KIAA1549L: variants seen among roughly 807,000 people sequenced by gnomAD.
KIAA1549L encodes UPF0606 protein KIAA1549L.
KIAA1549L carries 88 observed loss-of-function variants against 160.7 expected under a neutral mutation model. That is an observed-to-expected ratio of 0.55 (90% CI 0.46 to 0.65). KIAA1549L has a LOEUF of 0.65. KIAA1549L is among the 30% of genes least tolerant of loss of function. KIAA1549L has a pLI of 0.00. For missense variants in KIAA1549L, 2,258 were observed against 2,437.5 expected (o/e 0.93, Z 1.55); for synonymous variants, 950 against 976.7 (o/e 0.97, Z 0.51).
chr11:33,539,848 G>A (rs1309039815), intron 1 of KIAA1549L, among the ~76,000 whole-genome samples: 2 of 152,212 alleles, frequency 1.3e-5, no homozygotes, highest in Non-Finnish European at 2.9e-5. Context: ...AAGTGGGAGA[G>A]CCGGAAAGAT....
Position 33,430,473 on chromosome 11 carries a change from C to A in KIAA1549L, c.238+53584C>A, listed in dbSNP as rs1471864791. On this transcript the variant is annotated intron_variant, in intron 1 of 20. Coordinates refer to ENST00000658780, the MANE Select transcript of KIAA1549L (RefSeq NM_012194.3). ...AGGCCTGAACTTGCCCTGAGGCTAT[C>A]CTTTGATAACTCATTAGGTAAGATC... Among the ~76,000 whole-genome samples, 8 of 152,244 alleles carry A rather than the reference C, an allele frequency of 5.3e-5. No homozygotes were observed. The East Asian group carries it at 1.5e-3, about 29-fold the overall frequency.
chr11:33,564,772 T>A (rs12576953), intron 8 of KIAA1549L, among the ~76,000 whole-genome samples: 15,519 of 152,238 alleles, frequency 0.1, 1,085 homozygotes, highest in East Asian at 0.32. Flanking sequence ...CATGTGGACT[T>A]CACATTCTCC....
intron 1 of KIAA1549L, among the ~76,000 whole-genome samples, chr11:33,476,216 G>C (rs1165427242): frequency 6.6e-6 from 1 of 152,148 alleles, no homozygotes; most frequent in East Asian, 1.9e-4. Context: ...CTGTAATCAG[G>C]GACTTGGCTA....
At position 33,542,579 on chromosome 11, in the gene KIAA1549L, C is replaced by T. The variant is rs1565175545; in HGVS notation, c.1016C>T (p.Ser339Leu). The T allele has an allele frequency of 6.2e-7, 1 of 1,613,966 alleles. No individual in the cohort carries two copies. Among genetic ancestry groups the T allele is most frequent in the Middle Eastern group, 1.6e-4 (1 of 6,062 alleles). The stretch of plus-strand genomic sequence containing the variant: ...ACAGAGGGTCCCCATTCAGCAGGTT[C>T]ATCCACACCTGGGTTTTTGAGCCCC... ...SPTEGPHSAG[S>L]STPGFLSPMA... Residue 339 changes from serine to leucine, a missense_variant, in exon 2 of 21, where the codon TCA becomes TTA. This residue lies in a region of KIAA1549L where 540 missense variants were observed against 465.7 expected (regional missense o/e 1.16). Coordinates refer to ENST00000658780, the MANE Select transcript of KIAA1549L (RefSeq NM_012194.3).
chr11:33,480,525 G>T (rs913354708), intron 1 of KIAA1549L, among the ~76,000 whole-genome samples: 10 of 152,120 alleles, frequency 6.6e-5, no homozygotes, highest in Admixed American at 2.0e-4. Flanking sequence ...TTTCTCTTTG[G>T]TGTATACTTT....
intron 1 of KIAA1549L, among the ~76,000 whole-genome samples, chr11:33,391,507 T>C (rs1850272592): frequency 6.6e-6 from 1 of 152,194 alleles, no homozygotes; most frequent in Non-Finnish European, 1.5e-5. Flanking sequence ...GCCAAGACAG[T>C]CATGTGACTG....
intron 5 of KIAA1549L, among the ~76,000 whole-genome samples, chr11:33,551,729 TA>T (rs1159491259): frequency 6.6e-6 from 1 of 152,194 alleles, no homozygotes; most frequent in African/African-American, 2.4e-5. Flanking sequence ...GAGGAACTCT[TA>T]AAATCGAAAC....
intron 18 of KIAA1549L, among the ~76,000 whole-genome samples, chr11:33,657,444 G>A (rs1852104180): frequency 6.6e-6 from 1 of 152,152 alleles, no homozygotes; most frequent in Admixed American, 6.6e-5. Flanking sequence ...GACCAGGAAG[G>A]AACCTTTGAG....
At chr11:33,478,951 C>T (rs1253538048) in intron 1 of KIAA1549L, among the ~76,000 whole-genome samples, 1 of 152,158 alleles carries the variant, frequency 6.6e-6, no homozygotes, top group Non-Finnish European at 1.5e-5. Context: ...TTATTATCCT[C>T]ATTTTCACAA....
intron 5 of KIAA1549L, among the ~76,000 whole-genome samples, chr11:33,551,522 AC>A (rs1420971022): frequency 6.6e-6 from 1 of 152,072 alleles, no homozygotes; most frequent in Non-Finnish European, 1.5e-5. Context: ...AGCTCCAGGT[AC>A]TATATTTTAT....
chr11:33,580,289 C>G (rs951738231), intron 10 of KIAA1549L, among the ~76,000 whole-genome samples: 2 of 152,130 alleles, frequency 1.3e-5, no homozygotes, highest in Non-Finnish European at 2.9e-5. Context: ...AAAGATGCCA[C>G]TTGGCTGGGC....
intron 1 of KIAA1549L, among the ~76,000 whole-genome samples, chr11:33,392,772 A>C (rs887384211): frequency 1.3e-5 from 2 of 152,174 alleles, no homozygotes; most frequent in African/African-American, 4.8e-5. Context: ...GTGAGTATCT[A>C]TCCTGCGTGT....
At chr11:33,548,193 G>C (rs1854329850) in intron 4 of KIAA1549L, among the ~76,000 whole-genome samples, 1 of 152,182 alleles carries the variant, frequency 6.6e-6, no homozygotes, top group Admixed American at 6.5e-5. Context: ...GGGGTCAGGA[G>C]TTTGAGACCG....
rs923390388 is a variant in KIAA1549L at position 33,599,728 on chromosome 11, ACT to A, written c.4879+785_4879+786del. ...CTCTCCTGTTCCCACCTTGGTTCTG[ACT>A]CTCATCTCCATGTGGCCCTTCCGTG... On this transcript the variant is annotated intron_variant, in intron 13 of 20. Transcript: ENST00000658780. Among the ~76,000 whole-genome samples the A allele has an allele frequency of 7.2e-5, 11 of 152,014 alleles. 1 individual carries two copies. Among genetic ancestry groups the A allele is most frequent in the Admixed American group, 5.9e-4 (9 of 15,270 alleles).
chr11:33,493,546 A>T lies in KIAA1549L; in HGVS notation c.239-48256A>T, dbSNP rs140173905. Among the ~76,000 whole-genome samples the T allele has an allele frequency of 5.2e-4, 79 of 152,366 alleles. No homozygotes were observed. In the East Asian group the frequency reaches 0.015, roughly 29 times the overall value. ...TCTGTTGAAGAGGATGATCTTGCAC[A>T]CAACATTCCTGAGTCATGTGGAGTG... On this transcript the variant is annotated intron_variant, in intron 1 of 20. Transcript: ENST00000658780.
intron 1 of KIAA1549L, among the ~76,000 whole-genome samples, chr11:33,486,318 A>G (rs922601154): frequency 6.6e-6 from 1 of 152,196 alleles, no homozygotes; most frequent in Non-Finnish European, 1.5e-5. Context: ...TAAAACTACC[A>G]TATGATCCAG....
At chr11:33,410,761 G>C (rs111317477) in intron 1 of KIAA1549L, among the ~76,000 whole-genome samples, 7,419 of 152,266 alleles carry the variant, frequency 0.049, 301 homozygotes, top group African/African-American at 0.1. Context: ...GATCTATGGA[G>C]AAGGGAGAAT....
rs999632100 is a variant in KIAA1549L at position 33,533,456 on chromosome 11, C to T, written c.239-8346C>T. Among the ~76,000 whole-genome samples the T allele has an allele frequency of 9.2e-5, 14 of 152,184 alleles. No individual in the cohort carries two copies. In the East Asian group the frequency reaches 2.7e-3, roughly 29 times the overall value. On this transcript the variant is annotated intron_variant, in intron 1 of 20. Transcript: ENST00000658780. The stretch of plus-strand genomic sequence containing the variant: ...TATGTTTCACAGTGATAATAAACTG[C>T]TCTCTGATGCGTTTAGTTCAAGGCT...
chr11:33,604,049 A>T (rs72915037), intron 13 of KIAA1549L, among the ~76,000 whole-genome samples: 1 of 152,122 alleles, frequency 6.6e-6, no homozygotes, highest in Non-Finnish European at 1.5e-5. Context: ...TATTTTAGGG[A>T]TAGAGGGAGA....
Sources: gnomAD v4.1 joint callset for allele counts (sites outside exome capture counted in the v4.1 genomes callset) on GRCh38, gnomAD v4.1.1 for gene constraint, gnomAD v4.1.1 regional missense constraint, MANE v1.5 for transcripts, NCBI Gene and HGNC (gene_info 2026-07-23, HGNC 2026-07-21) for gene names.